The following PLXNB2 variants were observed in gnomAD, a reference collection of about 807,000 sequenced individuals.
The protein encoded by PLXNB2 is plexin-B2.
In PLXNB2, 85 loss-of-function variants were observed where a neutral mutation model predicts 202.6. The ratio of observed to expected loss-of-function variants is 0.42; its 90% CI spans 0.35 to 0.50. The LOEUF is 0.50. PLXNB2 is among the 20% of genes least tolerant of loss of function. The probability of loss-of-function intolerance (pLI) is 0.02; values close to 1 mark genes in which losing one functional copy is unlikely to be tolerated. For synonymous variants in PLXNB2, 1,239 were observed against 1,137.6 expected, an observed-to-expected ratio of 1.09 and a Z score of -1.79; for missense variants, 2,063 against 2,586.2, an observed-to-expected ratio of 0.80 and a Z score of 4.39.
At chr22:50,276,008 G>A (rs1274177872) in intron 35 of PLXNB2, 45 bp from the exon 36 acceptor site, 2 of 1,571,620 alleles carry the variant, frequency 1.3e-6, no homozygotes, top group Non-Finnish European at 1.7e-6. Flanking sequence ...GGCTGTGGGA[G>A]CCCCAGGGCT....
chr22:50,305,997 C>T (rs924233719), intron 1 of PLXNB2, among the ~76,000 whole-genome samples: 4 of 152,204 alleles, frequency 2.6e-5, no homozygotes, highest in Non-Finnish European at 5.9e-5. Context: ...GCAGAGCTGC[C>T]CGGACTTGCC....
rs534912347 is a variant in PLXNB2 at position 50,290,468 on chromosome 22, C to T, written c.117G>A (p.Val39=). 9 of 1,612,918 alleles carry T rather than the reference C, an allele frequency of 5.6e-6. No homozygotes were observed. In the East Asian group the frequency reaches 2.0e-4, roughly 36 times the overall value. ...RSEKELNHLA[V]DEASGVVYLG... ...GGTACACCACGCCTGAGGCCTCATC[C>T]ACAGCCAGGTGGTTCAGCTCTTTCT... The change falls in exon 3 of 37, where the codon GTG becomes GTA. Residue 39 remains valine (V), a synonymous_variant. Transcript: ENST00000359337.
In PLXNB2 at chr22:50,289,839, A is replaced by G; in HGVS notation, c.746T>C (p.Met249Thr). The G allele has an allele frequency of 6.2e-7, 1 of 1,613,290 alleles. No individual in the cohort carries two copies. The highest frequency in any genetic ancestry group is 8.5e-7 in the Non-Finnish European group (1 of 1,180,022). The change falls in exon 3 of 37, where the codon ATG becomes ACG. Residue 249 changes from methionine to threonine, a missense_variant. Physicochemically the swap from Met to Thr is moderately conservative, Grantham distance 81. Around this residue, in one of 2 missense-constraint regions of PLXNB2, gnomAD observed 1,303 missense variants for 1,476.8 expected, o/e 0.88. Transcript: ENST00000359337. The surrounding 1 kb of genome is among the most constrained non-coding windows in gnomAD (Gnocchi z 8.0). ...PARNRTLLAR[M>T]CREDPNYYSY... Reference sequence around the variant, plus strand: ...GTAGTAGTTGGGGTCTTCTCTGCACATGCGTGCCAGCAGCGTGCGGTTCCG... The same window carrying G: ...GTAGTAGTTGGGGTCTTCTCTGCACGTGCGTGCCAGCAGCGTGCGGTTCCG...
chr22:50,293,289 C>T (rs1304558904), intron 2 of PLXNB2, among the ~76,000 whole-genome samples: 1 of 152,154 alleles, frequency 6.6e-6, no homozygotes, highest in Non-Finnish European at 1.5e-5. Flanking sequence ...CAGGAGAGGC[C>T]CGTAGGCTAC....
At chr22:50,278,735 C>A in intron 28 of PLXNB2, 39 bp from the exon 29 acceptor site, 1 of 1,590,706 alleles carries the variant, frequency 6.3e-7, no homozygotes. Context: ...CCCAGCCACC[C>A]AGGTTCCTCC....
At position 50,289,834 on chromosome 22, in the gene PLXNB2, T is replaced by G; in HGVS notation, c.751A>C (p.Arg251=). 1.9e-6 allele frequency: 3 copies of G among 1,613,312 alleles called. No individual in the cohort carries two copies. The highest frequency in any genetic ancestry group is 2.5e-6 in the Non-Finnish European group (3 of 1,180,028). ...RNRTLLARMC[R]EDPNYYSYLE... ...TAGGAGTAGTAGTTGGGGTCTTCTC[T>G]GCACATGCGTGCCAGCAGCGTGCGG... Residue 251 remains arginine, a synonymous_variant, in exon 3 of 37, where the codon AGA becomes CGA. Coordinates refer to ENST00000359337, the MANE Select transcript of PLXNB2 (RefSeq NM_012401.4). This position sits in a 1 kb window ranked among gnomAD's most constrained non-coding sequence, Gnocchi z 8.0.
chr22:50,304,193 G>A (rs958258370), intron 1 of PLXNB2, among the ~76,000 whole-genome samples: 5 of 152,182 alleles, frequency 3.3e-5, no homozygotes, highest in African/African-American at 9.7e-5. Context: ...AGACATCCCC[G>A]GGGGTGGGGC....
In PLXNB2 at chr22:50,284,778, C is replaced by A; in HGVS notation, c.2089-113G>T. On this transcript the variant is annotated intron_variant, in intron 11 of 36. Coordinates refer to ENST00000359337, the MANE Select transcript of PLXNB2 (RefSeq NM_012401.4). The surrounding 1 kb of genome is among the most constrained non-coding windows in gnomAD (Gnocchi z 8.0). ...TACAGTGTGGGAGCCCTCTCCTCAC[C>A]CCACACATGCCCGCCCCTCAGATTA... 1.2e-6 allele frequency: 1 copy of A among 815,134 alleles called. No homozygotes were observed. Among genetic ancestry groups the A allele is most frequent in the Non-Finnish European group, 2.2e-6 (1 of 455,756 alleles). 50.5% of individuals were successfully genotyped at this position (815,134 alleles called of 1,614,324 possible). A position where few individuals can be genotyped will look rare whatever the true frequency, so the allele number is the denominator to read the frequency against.
chr22:50,284,766 C>T lies in PLXNB2; in HGVS notation c.2089-101G>A. Reference sequence around the variant, plus strand: ...CTCCTCTGTGCCTACAGTGTGGGAGCCCTCTCCTCACCCCACACATGCCCG... The same window carrying T: ...CTCCTCTGTGCCTACAGTGTGGGAGTCCTCTCCTCACCCCACACATGCCCG... On this transcript the variant is annotated intron_variant, in intron 11 of 36. Transcript: ENST00000359337. The surrounding 1 kb of genome is among the most constrained non-coding windows in gnomAD (Gnocchi z 8.0). 2.2e-6 allele frequency: 2 copies of T among 893,250 alleles called. No individual in the cohort carries two copies. The allele number at this position is 893,250 out of a possible 1,614,324, so 55.3% of individuals were successfully genotyped here. A position where few individuals can be genotyped will look rare whatever the true frequency, so the allele number is the denominator to read the frequency against.
chr22:50,301,464 CG>C, intron 1 of PLXNB2: 1 of 886,290 alleles, frequency 1.1e-6, no homozygotes, highest in Non-Finnish European at 1.4e-6. Context: ...ACAGGACATG[CG>C]GTCAGACAGC....
chr22:50,279,496 A>G (rs1019900787), intron 27 of PLXNB2, 134 bp downstream of exon 27: 2 of 873,848 alleles, frequency 2.3e-6, no homozygotes, highest in African/African-American at 1.7e-5. Context: ...GCCGAGTTAG[A>G]GCAGGCTGTA....
chr22:50,288,022 C>G lies in PLXNB2; in HGVS notation c.1396G>C (p.Val466Leu). ...GTCGGGTAGCTCAGGCACTCCTGCA[C>G]CGGCAGCCGGAACACCTAGGGCAGC... ...MTQDKVFRLP[V>L]QECLSYPTCT... The change falls in exon 6 of 37, where the codon GTG (valine) becomes CTG (leucine). Residue 466 changes from valine (V) to leucine (L), a missense_variant. Val to Leu is a conservative substitution (Grantham distance 32). Around this residue, in one of 2 missense-constraint regions of PLXNB2, gnomAD observed 1,303 missense variants for 1,476.8 expected, o/e 0.88. Transcript: ENST00000359337. This position sits in a 1 kb window ranked among gnomAD's most constrained non-coding sequence, Gnocchi z 5.0. The G allele has an allele frequency of 1.3e-6, 2 of 1,560,412 alleles. No homozygotes were observed. Among genetic ancestry groups the G allele is most frequent in the South Asian group, 1.2e-5 (1 of 84,770 alleles).
intron 8 of PLXNB2, 38 bp downstream of exon 8, chr22:50,287,073 C>T (rs1308995604): frequency 5.4e-5 from 79 of 1,468,254 alleles, no homozygotes; most frequent in South Asian, 2.6e-4. Context: ...CCCGTGCGAC[C>T]GAGAAGGGCC....
intron 35 of PLXNB2, 81 bp downstream of exon 35, chr22:50,276,548 G>A: frequency 8.2e-7 from 1 of 1,218,592 alleles, no homozygotes; most frequent in South Asian, 1.2e-5. Context: ...CATTACCCCT[G>A]CCCTGCAGCT....
At chr22:50,287,607 G>A (rs968351621) in intron 7 of PLXNB2, 60 bp downstream of exon 7, 13 of 1,465,776 alleles carry the variant, frequency 8.9e-6, no homozygotes, top group South Asian at 1.3e-5. Flanking sequence ...CCCAGCATGG[G>A]GGAGCCCCCA....
At chr22:50,279,040 T>C in intron 27 of PLXNB2, 29 bp from the exon 28 acceptor site, 3 of 1,579,004 alleles carry the variant, frequency 1.9e-6, no homozygotes, top group Non-Finnish European at 2.6e-6. Context: ...TGAAGCCCAG[T>C]GGGAGGCCCT....
At chr22:50,278,400 G>A (rs1326902351) in intron 30 of PLXNB2, 35 bp downstream of exon 30, 1 of 1,559,756 alleles carries the variant, frequency 6.4e-7, no homozygotes, top group African/African-American at 1.4e-5. Context: ...GACCACCAGG[G>A]GCTGGAAGGA....
rs764613032 is a variant in PLXNB2 at position 50,287,948 on chromosome 22, G to A, written c.1470C>T (p.Val490=). The A allele has an allele frequency of 1.0e-5, 16 of 1,585,670 alleles. No homozygotes were observed. The East Asian group carries it at 1.4e-4, about 14-fold the overall frequency. The change falls in exon 6 of 37, where the codon GTC becomes GTT. Residue 490 remains valine, a synonymous_variant. Transcript: ENST00000359337. ...CCCCAGGCACTCACCGTCCCTCGACGACGCACCAGCCGCAGTAGGGGTCCT... is the reference window on the plus strand; with the variant it reads ...CCCCAGGCACTCACCGTCCCTCGACAACGCACCAGCCGCAGTAGGGGTCCT... ...DSQDPYCGWC[V]VEGRCTRKAE... is the part of the protein sequence containing the mutation.
chr22:50,282,344 C>G lies in PLXNB2; in HGVS notation c.2988-31G>C, dbSNP rs750308506. 3.2e-6 allele frequency: 5 copies of G among 1,568,982 alleles called. No individual in the cohort carries two copies. The East Asian group carries it at 9.1e-5, about 28-fold the overall frequency. ...GAGGGCAGTGCCTTCGTGGGCTCGG[C>G]TGGCAGGGGTGGTCCCTGCAGCCTC... On this transcript the variant is annotated intron_variant, in intron 18 of 36. Coordinates refer to ENST00000359337, the MANE Select transcript of PLXNB2 (RefSeq NM_012401.4).
Sources: allele counts gnomAD v4.1 joint callset (sites outside exome capture counted in the v4.1 genomes callset), GRCh38; gene constraint gnomAD v4.1.1; regional missense constraint gnomAD v4.1.1; non-coding constraint Gnocchi (gnomAD v3.1); transcripts MANE v1.5; gene names NCBI Gene and HGNC (gene_info 2026-07-23, HGNC 2026-07-21).